PCDHGA2: variants seen among roughly 807,000 people sequenced by gnomAD.
PCDHGA2 encodes the protein protocadherin gamma-A2.
Under a neutral mutation model 59.2 loss-of-function variants are expected in PCDHGA2, and 40 were observed. The ratio of observed to expected loss-of-function variants is 0.68; its 90% CI spans 0.52 to 0.88. PCDHGA2 has a LOEUF of 0.88. PCDHGA2 is among the 40% of genes least tolerant of loss of function. The pLI is 0.00. For synonymous variants in PCDHGA2, 560 were observed against 526.0 expected, an observed-to-expected ratio of 1.06 and a Z score of -0.89; for missense variants, 1,226 against 1,204.0, an observed-to-expected ratio of 1.02 and a Z score of -0.27.
intron 2 of PCDHGA2, among the ~76,000 whole-genome samples, chr5:141,501,290 T>TACAC (rs55762287): frequency 0.051 from 6,975 of 136,060 alleles, 192 homozygotes; most frequent in African/African-American, 0.071. Context: ...TATTCCCTTA[T>TACAC]ACACACACAC....
intron 1 of PCDHGA2, chr5:141,410,439 G>A (rs775594110): frequency 3.1e-6 from 5 of 1,614,006 alleles, no homozygotes; most frequent in Admixed American, 3.3e-5. Context: ...TACAGTGAGG[G>A]GACTTTGCCT....
chr5:141,418,946 G>T (rs2096305161), intron 1 of PCDHGA2: 1 of 1,613,900 alleles, frequency 6.2e-7, no homozygotes, highest in African/African-American at 1.3e-5. Context: ...TTCCCCTCCA[G>T]GAGTGGTTGT....
chr5:141,389,068 C>T (rs1265953328), intron 1 of PCDHGA2: 2 of 1,613,904 alleles, frequency 1.2e-6, no homozygotes, highest in East Asian at 2.2e-5. Flanking sequence ...ATATTAACTT[C>T]TTCAAGAAAC....
In PCDHGA2 at chr5:141,438,615, TATATATATATATATATATATACAC is replaced by T. The variant is rs1230398483; in HGVS notation, c.2425-56190_2425-56167del. ...ACATATATATATATATATATATATA[TATATATATATATATATATATACAC>T]ACACACACACACATATATGTATATA... is the stretch of plus-strand genomic sequence containing the variant. On this transcript the variant is annotated intron_variant, in intron 1 of 3. Transcript: ENST00000394576. Among the ~76,000 whole-genome samples the T allele has an allele frequency of 3.0e-3, 107 of 35,910 alleles. 2 individuals carry two copies. The highest frequency in any genetic ancestry group is 7.9e-3 in the African/African-American group (39 of 4,916). The allele number at this position is 35,910 out of a possible 152,430, so 23.6% of individuals were successfully genotyped here. A position where few individuals can be genotyped will look rare whatever the true frequency, so the allele number is the denominator to read the frequency against.
Position 141,431,075 on chromosome 5 carries a change from C to G in PCDHGA2, c.2425-63732C>G. ...GGGGGCCATCAAGTGTCAATTAAAT[C>G]TAGACATTCTGATGGAGGATAAAGT... is the stretch of plus-strand genomic sequence containing the variant. On this transcript the variant is annotated intron_variant, in intron 1 of 3. Coordinates refer to ENST00000394576, the MANE Select transcript of PCDHGA2 (RefSeq NM_018915.4). The surrounding 1 kb of genome is among the most constrained non-coding windows in gnomAD (Gnocchi z 4.8). 1 of 1,614,156 alleles carries G rather than the reference C, an allele frequency of 6.2e-7. No homozygotes were observed. Among genetic ancestry groups the G allele is most frequent in the Non-Finnish European group, 8.5e-7 (1 of 1,179,984 alleles).
chr5:141,350,772 C>T (rs1258224944), intron 1 of PCDHGA2: 2 of 1,613,790 alleles, frequency 1.2e-6, no homozygotes, highest in African/African-American at 2.7e-5. Context: ...ACCATCAACC[C>T]CAATCAATAC....
At chr5:141,451,807 G>A (rs896081470) in intron 1 of PCDHGA2, among the ~76,000 whole-genome samples, 5 of 150,778 alleles carry the variant, frequency 3.3e-5, no homozygotes, top group African/African-American at 1.2e-4. Flanking sequence ...CTTGAACCCA[G>A]GAGGCGGAGG....
At chr5:141,460,034 C>T (rs1463167810) in intron 1 of PCDHGA2, among the ~76,000 whole-genome samples, 1 of 152,116 alleles carries the variant, frequency 6.6e-6, no homozygotes, top group African/African-American at 2.4e-5. Context: ...GCCGAGACTG[C>T]ACCACTGCAC....
At chr5:141,394,175 T>A in intron 1 of PCDHGA2, 1 of 1,613,944 alleles carries the variant, frequency 6.2e-7, no homozygotes, top group South Asian at 1.1e-5. Flanking sequence ...CTTTCCCTCA[T>A]GCCTCCTACT....
At chr5:141,388,676 G>A in intron 1 of PCDHGA2, 7 of 1,613,946 alleles carry the variant, frequency 4.3e-6, no homozygotes, top group East Asian at 2.2e-5. Flanking sequence ...TGCTACAGGT[G>A]ACTGCCACGG....
intron 1 of PCDHGA2, among the ~76,000 whole-genome samples, chr5:141,446,747 G>T (rs997132200): frequency 3.9e-5 from 6 of 152,190 alleles, no homozygotes; most frequent in Non-Finnish European, 8.8e-5. Context: ...GATTACAGGC[G>T]TGAGCCACCG....
At chr5:141,346,151 C>A (rs1357721004) in intron 1 of PCDHGA2, 1 of 1,614,020 alleles carries the variant, frequency 6.2e-7, no homozygotes. Context: ...TCTTCCTGGC[C>A]TTCGTCATCG....
chr5:141,505,891 G>A (rs541853565), intron 3 of PCDHGA2, among the ~76,000 whole-genome samples: 9 of 152,288 alleles, frequency 5.9e-5, no homozygotes, highest in Admixed American at 5.9e-4. Context: ...GATTAAATGA[G>A]ATGATACCAC....
chr5:141,386,424 C>A (rs1233589909), intron 1 of PCDHGA2, among the ~76,000 whole-genome samples: 1 of 151,904 alleles, frequency 6.6e-6, no homozygotes, highest in Non-Finnish European at 1.5e-5. Flanking sequence ...AAGCTGTAGC[C>A]CACCTGCATG....
intron 1 of PCDHGA2, among the ~76,000 whole-genome samples, chr5:141,483,648 T>TTGTGTGTG (rs111458813): frequency 0.019 from 2,886 of 149,692 alleles, 51 homozygotes; most frequent in African/African-American, 0.054. Flanking sequence ...GGGTGTGTGT[T>TTGTGTGTG]TGTGTGTGTG....
rs1168771567 is a variant in PCDHGA2 at position 141,398,057 on chromosome 5, A to T, written c.2424+56662A>T. On this transcript the variant is annotated intron_variant, in intron 1 of 3. Coordinates refer to ENST00000394576, the MANE Select transcript of PCDHGA2 (RefSeq NM_018915.4). ...CTAAAGCCCGTTCGGAGATCCAAAAATCTACAATACAGAGGTTATTTGTAA... is the reference window on the plus strand; with the variant it reads ...CTAAAGCCCGTTCGGAGATCCAAAATTCTACAATACAGAGGTTATTTGTAA... 9 of 1,524,504 alleles carry T rather than the reference A, an allele frequency of 5.9e-6. No individual in the cohort carries two copies. In the South Asian group the frequency reaches 1.1e-4, roughly 19 times the overall value. 94.4% of individuals were successfully genotyped at this position (1,524,504 alleles called of 1,614,324 possible). A position where few individuals can be genotyped will look rare whatever the true frequency, so the allele number is the denominator to read the frequency against.
At chr5:141,481,606 C>T (rs2099540144) in intron 1 of PCDHGA2, among the ~76,000 whole-genome samples, 1 of 152,000 alleles carries the variant, frequency 6.6e-6, no homozygotes, top group South Asian at 2.1e-4. Context: ...TCACCTGAGG[C>T]CAGGAGTTCA....
At chr5:141,364,902 A>T (rs781602444) in intron 1 of PCDHGA2, 8 of 1,614,032 alleles carry the variant, frequency 5.0e-6, no homozygotes, top group Non-Finnish European at 6.8e-6. Flanking sequence ...GGACAAAAGT[A>T]TCCGGAGCTG....
At chr5:141,488,198 GGACTC>G in intron 1 of PCDHGA2, among the ~76,000 whole-genome samples, 1 of 152,166 alleles carries the variant, frequency 6.6e-6, no homozygotes, top group Non-Finnish European at 1.5e-5. Context: ...CTGGGTCTTA[GGACTC>G]ATATCAAGTC....
Sources: gnomAD v4.1 joint callset for allele counts (sites outside exome capture counted in the v4.1 genomes callset) on GRCh38, gnomAD v4.1.1 for gene constraint, Gnocchi (gnomAD v3.1) non-coding constraint, MANE v1.5 for transcripts, NCBI Gene and HGNC (gene_info 2026-07-23, HGNC 2026-07-21) for gene names.